Variants in SNX25 observed in about 807,000 individuals in gnomAD.
SNX25 encodes sorting nexin-25.
SNX25 carries 62 observed loss-of-function variants against 113.7 expected under a neutral mutation model. The observed-to-expected ratio is 0.55, with a 90% CI of 0.44 to 0.67. The LOEUF (loss-of-function observed/expected upper bound fraction) is 0.67, where lower values mean the gene tolerates loss of function less well. Ranked by LOEUF, SNX25 falls within the 30% of genes least tolerant of loss-of-function variation. The pLI is 0.00. For synonymous variants in SNX25, 421 were observed against 436.2 expected (o/e 0.97, Z 0.43); for missense variants, 1,014 against 1,161.0 (o/e 0.87, Z 1.84).
chr4:185,242,436 A>G (rs865972630), intron 1 of SNX25, among the ~76,000 whole-genome samples: 1 of 152,182 alleles, frequency 6.6e-6, no homozygotes, highest in African/African-American at 2.4e-5. Flanking sequence ...ACCAGCTTCA[A>G]TTTGAGGTGC....
downstream of SNX25, among the ~76,000 whole-genome samples, chr4:185,371,701 T>A (rs2095416748): frequency 6.6e-6 from 1 of 152,168 alleles, no homozygotes; most frequent in Admixed American, 6.5e-5. Flanking sequence ...GCGCCGAAGA[T>A]TTTAAAGAAT....
chr4:185,217,627 A>G (rs373833635), intron 1 of SNX25, among the ~76,000 whole-genome samples: 1 of 152,134 alleles, frequency 6.6e-6, no homozygotes, highest in Non-Finnish European at 1.5e-5. Context: ...CACATTGGTA[A>G]TGGTAATTGA....
At chr4:185,241,065 C>T in intron 1 of SNX25, among the ~76,000 whole-genome samples, 1 of 151,410 alleles carries the variant, frequency 6.6e-6, no homozygotes, top group Non-Finnish European at 1.5e-5. Context: ...TCCTCACTTC[C>T]CAGACGGGGT....
At chr4:185,353,270 TAAA>T in intron 14 of SNX25, 5 of 436,928 alleles carry the variant, frequency 1.1e-5, no homozygotes, top group Middle Eastern at 5.9e-4. Flanking sequence ...GATTTTTTTT[TAAA>T]TTAGCTTATT....
Position 185,363,579 on chromosome 4 carries a change from C to T in SNX25, c.*114C>T, listed in dbSNP as rs1269590450. On this transcript the variant is annotated 3_prime_UTR_variant, in exon 19 of 19. Transcript: ENST00000652585. This position sits in a 1 kb window ranked among gnomAD's most constrained non-coding sequence, Gnocchi z 4.2. Reference sequence around the variant, plus strand: ...CCGTATTGATTTTTATTTTAGTTACCTCCCTCTAGTTTTATGTGAAATTAG... The same window carrying T: ...CCGTATTGATTTTTATTTTAGTTACTTCCCTCTAGTTTTATGTGAAATTAG... The T allele has an allele frequency of 2.1e-6, 2 of 937,988 alleles. No homozygotes were observed. Among genetic ancestry groups the T allele is most frequent in the African/African-American group, 1.6e-5 (1 of 60,852 alleles). The allele number at this position is 937,988 out of a possible 1,614,324, so 58.1% of individuals were successfully genotyped here.
chr4:185,310,988 C>G (rs3806823), intron 7 of SNX25, among the ~76,000 whole-genome samples, 172 bp downstream of exon 7: 2 of 151,836 alleles, frequency 1.3e-5, no homozygotes, highest in African/African-American at 2.4e-5. Context: ...TGTCCTTGAC[C>G]TGTATGGGTG....
intron 5 of SNX25, among the ~76,000 whole-genome samples, chr4:185,279,739 A>C (rs1296351622): frequency 1.3e-5 from 2 of 152,168 alleles, no homozygotes; most frequent in Admixed American, 6.5e-5. Flanking sequence ...GAGGAGTATA[A>C]ATTATTACCT....
chr4:185,341,175 G>A (rs892132138), intron 11 of SNX25, among the ~76,000 whole-genome samples: 1 of 152,258 alleles, frequency 6.6e-6, no homozygotes, highest in African/African-American at 2.4e-5. Context: ...CTTATGTTAA[G>A]TATAGTAGTG....
At chr4:185,271,165 A>G (rs1748871174) in intron 5 of SNX25, among the ~76,000 whole-genome samples, 1 of 152,152 alleles carries the variant, frequency 6.6e-6, no homozygotes. Flanking sequence ...TATGTTGTAT[A>G]TTCCTCTGTC....
chr4:185,357,811 T>A, intron 16 of SNX25, 74 bp downstream of exon 16: 1 of 1,187,974 alleles, frequency 8.4e-7, no homozygotes, highest in Non-Finnish European at 1.3e-6. Flanking sequence ...CCTTATGATC[T>A]AGCAGCCAGT....
intron 7 of SNX25, among the ~76,000 whole-genome samples, chr4:185,319,513 C>CT (rs61536964): frequency 0.073 from 10,456 of 142,882 alleles, 755 homozygotes; most frequent in African/African-American, 0.19. Context: ...AAAGTCCATT[C>CT]TTTTTTTTTT....
intron 6 of SNX25, among the ~76,000 whole-genome samples, chr4:185,289,336 G>C (rs1384057655): frequency 6.6e-6 from 1 of 152,216 alleles, no homozygotes; most frequent in African/African-American, 2.4e-5. Flanking sequence ...GATGCGGGGA[G>C]CCCTGGTAGG....
intron 1 of SNX25, among the ~76,000 whole-genome samples, chr4:185,227,223 C>T (rs1487719287): frequency 6.6e-6 from 1 of 152,264 alleles, no homozygotes; most frequent in Non-Finnish European, 1.5e-5. Flanking sequence ...CCGTTGTTGG[C>T]ATGGGGGACA....
intron 5 of SNX25, among the ~76,000 whole-genome samples, chr4:185,284,694 A>T (rs1435928933): frequency 6.6e-6 from 1 of 152,140 alleles, no homozygotes; most frequent in Non-Finnish European, 1.5e-5. Context: ...CAAGGGAGAG[A>T]TGAGGTGAGT....
intron 1 of SNX25, among the ~76,000 whole-genome samples, chr4:185,211,143 A>G (rs1013291596): frequency 2.6e-5 from 4 of 152,124 alleles, no homozygotes; most frequent in African/African-American, 4.8e-5. Flanking sequence ...TTTGTTAATG[A>G]TCATTTGTCC....
chr4:185,251,626 TGTG>T (rs1745674052), intron 2 of SNX25, among the ~76,000 whole-genome samples: 1 of 141,782 alleles, frequency 7.1e-6, no homozygotes, highest in Non-Finnish European at 1.6e-5. Flanking sequence ...TGTGTGTGTG[TGTG>T]TGTGTGTGCC....
intron 6 of SNX25, among the ~76,000 whole-genome samples, chr4:185,288,406 A>G (rs1751652180): frequency 6.6e-6 from 1 of 152,116 alleles, no homozygotes; most frequent in Admixed American, 6.5e-5. Context: ...CACATATTGA[A>G]ATTTAATATT....
chr4:185,378,208 CTA>C, the SNX25 span: 1 of 1,606,514 alleles, frequency 6.2e-7, no homozygotes, highest in Non-Finnish European at 8.5e-7. Flanking sequence ...AATGTGTATT[CTA>C]TAAGCAAGAA....
At chr4:185,314,721 G>T (rs890421828) in intron 7 of SNX25, among the ~76,000 whole-genome samples, 2 of 151,240 alleles carry the variant, frequency 1.3e-5, no homozygotes, top group Admixed American at 1.3e-4. Flanking sequence ...AGCTGGGAGT[G>T]GTGGTGGGCA....
Sources: gnomAD v4.1 joint callset for allele counts (sites outside exome capture counted in the v4.1 genomes callset) on GRCh38, gnomAD v4.1.1 for gene constraint, Gnocchi (gnomAD v3.1) non-coding constraint, MANE v1.5 for transcripts, NCBI Gene and HGNC (gene_info 2026-07-23, HGNC 2026-07-21) for gene names.